The following EXOSC8 variants were observed in gnomAD, a reference collection of about 807,000 sequenced individuals.
The protein encoded by EXOSC8 is exosome complex component RRP43.
A neutral mutation model predicts 39.9 loss-of-function variants in EXOSC8; 37 were observed. The observed-to-expected ratio is 0.93, with a 90% CI of 0.71 to 1.22. EXOSC8 has a LOEUF of 1.22. EXOSC8 is among the 50% of genes most tolerant of loss of function. The pLI, the probability that EXOSC8 is intolerant of heterozygous loss-of-function variation, is 0.00. For missense variants in EXOSC8, 313 were observed against 326.6 expected (o/e 0.96, Z 0.32); for synonymous variants, 93 against 109.5 (o/e 0.85, Z 0.94).
In EXOSC8 at chr13:37,002,298, A is replaced by T. The variant is rs1217538592; in HGVS notation, c.43A>T (p.Arg15Trp). Residue 15 changes from arginine to tryptophan, a missense_variant, in exon 2 of 11, where the codon AGG (arginine) becomes TGG (tryptophan). Arg to Trp is a moderately radical substitution (Grantham distance 101, BLOSUM62 -3). Transcript: ENST00000389704. The part of the protein sequence containing the change: ...FKTVEPLEYY[R>W]RFLKENCRPD... The stretch of plus-strand genomic sequence containing the variant: ...AACCGTGGAACCTCTGGAGTATTAC[A>T]GGAGATTTCTGGTGAGTAAAGGTTA... 1 of 1,609,122 alleles carries T rather than the reference A, an allele frequency of 6.2e-7. No individual in the cohort carries two copies. The highest frequency in any genetic ancestry group is 8.5e-7 in the Non-Finnish European group (1 of 1,175,958).
At position 37,008,818 on chromosome 13, in the gene EXOSC8, G is replaced by T; in HGVS notation, c.698G>T (p.Cys233Phe). The T allele has an allele frequency of 6.2e-7, 1 of 1,606,212 alleles. No individual in the cohort carries two copies. The highest frequency in any genetic ancestry group is 8.5e-7 in the Non-Finnish European group (1 of 1,173,982). ...GTAATGGATGAGGAAGGCAAACTCT[G>T]TTGTCTTCACAAACCAGGCATGTTC... is the stretch of plus-strand genomic sequence containing the variant. ...TIVMDEEGKLCCLHKPGGSGL... is the reference protein window; with the variant it reads ...TIVMDEEGKLFCLHKPGGSGL... The change falls in exon 10 of 11, where the codon TGT (cysteine) becomes TTT (phenylalanine). Residue 233 changes from cysteine (C) to phenylalanine (F), a missense_variant. By Grantham distance (205) the Cys-to-Phe change is radical. Coordinates refer to ENST00000389704, the MANE Select transcript of EXOSC8 (RefSeq NM_181503.3).
chr13:37,007,915 A>G, intron 8 of EXOSC8, 142 bp from the exon 9 acceptor site: 1 of 625,472 alleles, frequency 1.6e-6, no homozygotes, highest in Non-Finnish European at 2.8e-6. Flanking sequence ...CTCTATATTT[A>G]CCTTAGTGGC....
In EXOSC8 at chr13:37,002,990, A is replaced by G; in HGVS notation, c.175A>G (p.Ile59Val). The G allele has an allele frequency of 6.2e-7, 1 of 1,601,658 alleles. No homozygotes were observed. Residue 59 changes from isoleucine to valine, a missense_variant, in exon 4 of 11, where the codon ATC becomes GTC. Ile to Val is a conservative substitution (Grantham distance 29). Transcript: ENST00000389704. ...AGTGAAGTTGGGAAATACTACAGTA[A>G]TCTGTGGAGTTAAAGCAGTAAGTCT... ...ALVKLGNTTV[I>V]CGVKAEFAAP...
chr13:37,004,486 T>G (rs1352197958), intron 4 of EXOSC8, 30 bp from the exon 5 acceptor site: 1 of 1,550,934 alleles, frequency 6.4e-7, no homozygotes, highest in Non-Finnish European at 8.9e-7. Context: ...GTAGCTTCTT[T>G]CAATAGGAAA....
At position 37,002,550 on chromosome 13, in the gene EXOSC8, C is replaced by T. The variant is rs1369374009; in HGVS notation, c.117C>T (p.Ile39=). The change falls in exon 3 of 11, where the codon ATC becomes ATT. Residue 39 remains isoleucine, a splice_region_variant and synonymous_variant. Transcript: ENST00000389704. ...LGEFRTTTVN[I]GSISTADGSA... is the part of the protein sequence containing the mutation. ...AATTCAGAACCACAACTGTCAACAT[C>T]GGTAAGGATGTATTTTCCACTTTCA... 3 of 1,583,442 alleles carry T rather than the reference C, an allele frequency of 1.9e-6. No homozygotes were observed. The highest frequency in any genetic ancestry group is 2.6e-6 in the Non-Finnish European group (3 of 1,160,944).
chr13:37,001,677 G>C (rs925266299), intron 1 of EXOSC8: 1 of 152,210 alleles, frequency 6.6e-6, no homozygotes, highest in African/African-American at 2.4e-5. Context: ...TCGTAAACAA[G>C]ATCTAGTGGC....
chr13:37,000,938 T>TCATCGTCTG, intron 1 of EXOSC8, 116 bp downstream of exon 1: 1 of 1,289,364 alleles, frequency 7.8e-7, no homozygotes, highest in Non-Finnish European at 1.0e-6. Flanking sequence ...GCCATTTCCT[T>TCATCGTCTG]CCTCGTCGAG....
chr13:37,007,095 A>C lies in EXOSC8; in HGVS notation c.487+24A>C, dbSNP rs776793584. The C allele has an allele frequency of 7.8e-6, 11 of 1,411,900 alleles. No individual in the cohort carries two copies. The Admixed American group carries it at 8.4e-5, about 11-fold the overall frequency. 87.5% of individuals were successfully genotyped at this position (1,411,900 alleles called of 1,614,324 possible). A position where few individuals can be genotyped will look rare whatever the true frequency, so the allele number is the denominator to read the frequency against. ...TGGTAAGCAGCCTTACAAAAAAGGCAATATTCCCACTCATGGGTTAGAATG... is the reference window on the plus strand; with the variant it reads ...TGGTAAGCAGCCTTACAAAAAAGGCCATATTCCCACTCATGGGTTAGAATG... On this transcript the variant is annotated intron_variant, in intron 8 of 10. Transcript: ENST00000389704.
At chr13:37,009,100 T>A (rs1032802640) in intron 10 of EXOSC8, 84 bp from the exon 11 acceptor site, 5 of 900,752 alleles carry the variant, frequency 5.6e-6, no homozygotes, top group Non-Finnish European at 8.7e-6. Flanking sequence ...CCAATTTTTT[T>A]GTTTTATAAT....
chr13:37,004,280 A>G (rs1246621074), intron 4 of EXOSC8: 7 of 370,158 alleles, frequency 1.9e-5, no homozygotes, highest in African/African-American at 1.3e-4. Context: ...CCCAGTTACT[A>G]TTTTTTAAAA....
At chr13:37,008,564 G>A (rs186051343) in intron 9 of EXOSC8, among the ~76,000 whole-genome samples, 165 bp from the exon 10 acceptor site, 7 of 152,300 alleles carry the variant, frequency 4.6e-5, no homozygotes, top group Admixed American at 3.9e-4. Context: ...AGACCAGCCT[G>A]GCCAACATGT....
At position 37,000,848 on chromosome 13, in the gene EXOSC8, A is replaced by G. The variant is rs117529664; in HGVS notation, c.17+26A>G. 1,230 of 1,520,960 alleles carry G rather than the reference A, an allele frequency of 8.1e-4. 6 individuals are homozygous for G. In the East Asian group the frequency reaches 0.018, roughly 22 times the overall value. The allele number at this position is 1,520,960 out of a possible 1,614,324, so 94.2% of individuals were successfully genotyped here. A position where few individuals can be genotyped will look rare whatever the true frequency, so the allele number is the denominator to read the frequency against. On this transcript the variant is annotated intron_variant, in intron 1 of 10. Coordinates refer to ENST00000389704, the MANE Select transcript of EXOSC8 (RefSeq NM_181503.3). ...GTGAGTGTTGGCGGGTGGCGGGTAG[A>G]GTTCTGTACCCTGGCGGACGGCAGC...
At position 37,004,558 on chromosome 13, in the gene EXOSC8, G is replaced by A. The variant is rs757600036; in HGVS notation, c.235G>A (p.Val79Ile). 5.0e-6 allele frequency: 8 copies of A among 1,595,878 alleles called. No individual in the cohort carries two copies. Among genetic ancestry groups the A allele is most frequent in the Admixed American group, 1.7e-5 (1 of 59,498 alleles). The change falls in exon 5 of 11, where the codon GTT becomes ATT. Residue 79 changes from valine (V) to isoleucine (I), a missense_variant. Coordinates refer to ENST00000389704, the MANE Select transcript of EXOSC8 (RefSeq NM_181503.3). ...AACAGATGCCCCTGATAAAGGATAC[G>A]TTGGTAAGTTAAATGGTTTTGTAAT... ...PSTDAPDKGY[V>I]VPNVDLPPLC...
At chr13:37,005,873 A>AG (rs1555254371) in intron 5 of EXOSC8, 47 bp from the exon 6 acceptor site, 1 of 795,896 alleles carries the variant, frequency 1.3e-6, no homozygotes, top group Non-Finnish European at 2.0e-6. Flanking sequence ...AAAAAAAAAA[A>AG]AAAAAAAAAA....
rs1468942830 is a variant in EXOSC8 at position 37,003,013 on chromosome 13, T to C, written c.192+6T>C. On this transcript the variant is annotated splice_donor_region_variant and intron_variant, in intron 4 of 10. Coordinates refer to ENST00000389704, the MANE Select transcript of EXOSC8 (RefSeq NM_181503.3). ...TAATCTGTGGAGTTAAAGCAGTAAG[T>C]CTAAATATGTCCTATTGAGATTTGA... The C allele has an allele frequency of 1.3e-6, 2 of 1,514,164 alleles. No individual in the cohort carries two copies. Among genetic ancestry groups the C allele is most frequent in the East Asian group, 4.5e-5 (2 of 44,310 alleles). The allele number at this position is 1,514,164 out of a possible 1,614,324, so 93.8% of individuals were successfully genotyped here. A position where few individuals can be genotyped will look rare whatever the true frequency, so the allele number is the denominator to read the frequency against.
In EXOSC8 at chr13:37,000,821, A is replaced by T; in HGVS notation, c.16A>T (p.Lys6Ter). The change falls in exon 1 of 11, where the codon AAA (lysine) becomes TAA (stop). Residue 6 changes from lysine (K) to a stop codon, truncating the protein, a stop_gained and splice_region_variant. Coordinates refer to ENST00000389704, the MANE Select transcript of EXOSC8 (RefSeq NM_181503.3). LOFTEE classifies it high-confidence loss of function. The part of the protein sequence containing the change: MAAGF[K>*]TVEPLEYYRR... ...GGGCGGGAAGATGGCGGCTGGGTTC[A>T]AGTGAGTGTTGGCGGGTGGCGGGTA... 3 of 1,579,718 alleles carry T rather than the reference A, an allele frequency of 1.9e-6. No homozygotes were observed. Among genetic ancestry groups the T allele is most frequent in the Non-Finnish European group, 1.7e-6 (2 of 1,163,260 alleles).
At chr13:37,002,789 T>C in intron 3 of EXOSC8, 145 bp from the exon 4 acceptor site, 1 of 682,074 alleles carries the variant, frequency 1.5e-6, no homozygotes, top group South Asian at 1.7e-5. Context: ...AATCAATTAT[T>C]CTAACTTGAA....
intron 5 of EXOSC8, 149 bp downstream of exon 5, chr13:37,004,710 G>A (rs879663780): frequency 3.6e-5 from 21 of 576,938 alleles, no homozygotes; most frequent in Admixed American, 3.6e-4. Flanking sequence ...AAAGTTTTCC[G>A]TGTGTTAGTA....
At position 37,002,476 on chromosome 13, in the gene EXOSC8, ATATT is replaced by A. The variant is rs760394443; in HGVS notation, c.55-5_55-2del. 53 of 1,519,760 alleles carry A rather than the reference ATATT, an allele frequency of 3.5e-5. No homozygotes were observed. The highest frequency in any genetic ancestry group is 1.1e-4 in the East Asian group (5 of 43,938). 94.1% of individuals were successfully genotyped at this position (1,519,760 alleles called of 1,614,324 possible). On this transcript the variant is annotated splice_region_variant and splice_polypyrimidine_tract_variant and intron_variant, in intron 2 of 10. Transcript: ENST00000389704. ...AGGTATAATCTATTTTTATATAAAC[ATATT>A]TATTTAGAAAGAGAACTGCCGTCCT... is the stretch of plus-strand genomic sequence containing the variant.
Sources: allele counts gnomAD v4.1 joint callset (sites outside exome capture counted in the v4.1 genomes callset), GRCh38; gene constraint gnomAD v4.1.1; transcripts MANE v1.5; gene names NCBI Gene and HGNC (gene_info 2026-07-23, HGNC 2026-07-21).